Variants in MTUS2 observed in about 807,000 individuals in gnomAD.
The protein encoded by MTUS2 is microtubule associated scaffold protein 2, also known as microtubule-associated tumor suppressor candidate 2.
MTUS2 carries 40 observed loss-of-function variants against 114.1 expected under a neutral mutation model. The ratio of observed to expected loss-of-function variants is 0.35; its 90% CI spans 0.27 to 0.46. MTUS2 has a LOEUF of 0.46. Ranked by LOEUF, MTUS2 falls within the 20% of genes least tolerant of loss-of-function variation. MTUS2 has a pLI of 1.00. For synonymous variants in MTUS2, 688 were observed against 672.0 expected, an observed-to-expected ratio of 1.02 and a Z score of -0.37; for missense variants, 1,679 against 1,705.4, an observed-to-expected ratio of 0.98 and a Z score of 0.27.
chr13:29,429,908 A>G (rs994896303), intron 8 of MTUS2, among the ~76,000 whole-genome samples: 1 of 152,236 alleles, frequency 6.6e-6, no homozygotes, highest in Non-Finnish European at 1.5e-5. Flanking sequence ...GACCTAAAGT[A>G]GGGTTACTTA....
At chr13:28,997,975 C>T (rs1445834370) in intron 2 of MTUS2, among the ~76,000 whole-genome samples, 1 of 152,180 alleles carries the variant, frequency 6.6e-6, no homozygotes, top group Non-Finnish European at 1.5e-5. Flanking sequence ...GATGCAGTTT[C>T]TTCTTAGCTT....
At chr13:29,353,559 C>A (rs901113351) in intron 7 of MTUS2, among the ~76,000 whole-genome samples, 2 of 152,144 alleles carry the variant, frequency 1.3e-5, no homozygotes, top group African/African-American at 4.8e-5. Context: ...CCTCAGCCTC[C>A]CAAAGTGCTG....
At chr13:29,459,678 A>C (rs1333663361) in intron 9 of MTUS2, among the ~76,000 whole-genome samples, 1 of 152,218 alleles carries the variant, frequency 6.6e-6, no homozygotes, top group Non-Finnish European at 1.5e-5. Flanking sequence ...ATTCACTTTC[A>C]TAATGCTTGA....
chr13:29,425,993 T>C (rs901075416), intron 8 of MTUS2, among the ~76,000 whole-genome samples: 1 of 152,194 alleles, frequency 6.6e-6, no homozygotes, highest in South Asian at 2.1e-4. Context: ...AACTGTTTCC[T>C]AAAGGGAACT....
chr13:28,850,613 A>G (rs1876204998), intron 2 of MTUS2, among the ~76,000 whole-genome samples: 3 of 152,250 alleles, frequency 2.0e-5, no homozygotes, highest in South Asian at 4.1e-4. Flanking sequence ...TTAAGGTGTT[A>G]AACAGTAGAG....
At chr13:28,849,249 A>G (rs1219082226) in intron 2 of MTUS2, among the ~76,000 whole-genome samples, 2 of 152,238 alleles carry the variant, frequency 1.3e-5, no homozygotes. Context: ...AATGGAAAAT[A>G]TGTGCCGGAG....
intron 9 of MTUS2, among the ~76,000 whole-genome samples, chr13:29,444,239 C>T (rs139265448): frequency 0.11 from 16,240 of 152,068 alleles, 1,358 homozygotes; most frequent in African/African-American, 0.24. Context: ...GCCTGGCCAA[C>T]GTGGTCAAAC....
chr13:29,335,378 G>T (rs138940610), intron 7 of MTUS2, among the ~76,000 whole-genome samples: 2,947 of 152,178 alleles, frequency 0.019, 74 homozygotes, highest in African/African-American at 0.066. Flanking sequence ...GATGTTATCA[G>T]TGACAATGTG....
intron 5 of MTUS2, among the ~76,000 whole-genome samples, chr13:29,119,685 GAAGAGAGC>G (rs1424320584): frequency 6.6e-6 from 1 of 152,156 alleles, no homozygotes; most frequent in Non-Finnish European, 1.5e-5. Flanking sequence ...AGTAGTCAGG[GAAGAGAGC>G]AAATTCAACC....
chr13:29,367,241 C>T (rs1232452878), intron 8 of MTUS2, among the ~76,000 whole-genome samples: 3 of 152,090 alleles, frequency 2.0e-5, no homozygotes, highest in Non-Finnish European at 2.9e-5. Context: ...CATAGGACCT[C>T]AGCAGGCAAA....
At chr13:28,879,902 G>A (rs887321543) in intron 2 of MTUS2, among the ~76,000 whole-genome samples, 3 of 152,042 alleles carry the variant, frequency 2.0e-5, no homozygotes, top group Non-Finnish European at 4.4e-5. Flanking sequence ...ATTGATCCAG[G>A]TCAGAGAGAT....
chr13:29,150,000 C>T (rs865921362), intron 5 of MTUS2, among the ~76,000 whole-genome samples: 8 of 152,190 alleles, frequency 5.3e-5, no homozygotes, highest in Middle Eastern at 6.8e-3. Context: ...GCTATTTGGA[C>T]TCTGTTTTGA....
At chr13:29,220,073 G>A (rs113891377) in intron 5 of MTUS2, among the ~76,000 whole-genome samples, 3,000 of 150,906 alleles carry the variant, frequency 0.02, 55 homozygotes, top group Non-Finnish European at 0.03. Flanking sequence ...TCTGCTCACT[G>A]CAACCTCCAC....
intron 2 of MTUS2, among the ~76,000 whole-genome samples, chr13:28,904,601 C>G (rs907489507): frequency 6.6e-6 from 1 of 152,030 alleles, no homozygotes; most frequent in Admixed American, 6.6e-5. Flanking sequence ...GTGTTCTGTT[C>G]CATTGGTCTA....
chr13:28,943,700 A>G (rs1882365361), intron 2 of MTUS2, among the ~76,000 whole-genome samples: 1 of 152,156 alleles, frequency 6.6e-6, no homozygotes, highest in Admixed American at 6.5e-5. Flanking sequence ...AAACACAGTG[A>G]ACCAGGGCTT....
rs984687950 is a variant in MTUS2 at position 29,144,534 on chromosome 13, A to G, written c.2644+43564A>G. 2.0e-5 allele frequency among the ~76,000 whole-genome samples: 3 copies of G among 152,010 alleles called. No homozygotes were observed. In the East Asian group the frequency reaches 5.8e-4, roughly 29 times the overall value. ...ATGAGCCACTGTGGCCAGCTCAAGAATCCATTTTTTATGGTCATTTGAGTT... is the reference window on the plus strand; with the variant it reads ...ATGAGCCACTGTGGCCAGCTCAAGAGTCCATTTTTTATGGTCATTTGAGTT... On this transcript the variant is annotated intron_variant, in intron 5 of 15. Transcript: ENST00000612955.
At chr13:29,218,550 T>G (rs8001388) in intron 5 of MTUS2, among the ~76,000 whole-genome samples, 3,779 of 152,364 alleles carry the variant, frequency 0.025, 150 homozygotes, top group African/African-American at 0.086. Context: ...TCATTGTCTA[T>G]GGCAGCTATA....
intron 5 of MTUS2, among the ~76,000 whole-genome samples, chr13:29,224,343 T>C (rs551755236): frequency 1.8e-4 from 28 of 152,336 alleles, no homozygotes; most frequent in Non-Finnish European, 3.5e-4. Context: ...TTTTTCCAGC[T>C]ATTATCCCTT....
chr13:29,277,397 G>C (rs1898105840), intron 5 of MTUS2, among the ~76,000 whole-genome samples: 1 of 152,166 alleles, frequency 6.6e-6, no homozygotes, highest in Non-Finnish European at 1.5e-5. Context: ...TTAACAAGCT[G>C]ATTCTGGAAC....
Sources: allele counts gnomAD v4.1 joint callset (sites outside exome capture counted in the v4.1 genomes callset), GRCh38; gene constraint gnomAD v4.1.1; transcripts MANE v1.5; gene names NCBI Gene and HGNC (gene_info 2026-07-23, HGNC 2026-07-21).